The following TNFRSF9 variants were observed in gnomAD, a reference collection of about 807,000 sequenced individuals.
TNFRSF9 encodes the protein tumor necrosis factor receptor superfamily member 9.
Under a neutral mutation model 28.8 loss-of-function variants are expected in TNFRSF9, and 16 were observed. That is an observed-to-expected ratio of 0.55 (90% CI 0.38 to 0.84). The LOEUF (loss-of-function observed/expected upper bound fraction) is 0.84, where lower values mean the gene tolerates loss of function less well. Ranked by LOEUF, TNFRSF9 falls within the 40% of genes least tolerant of loss-of-function variation. TNFRSF9 has a pLI of 0.00. For synonymous variants in TNFRSF9, 131 were observed against 117.0 expected (o/e 1.12, Z -0.77); for missense variants, 303 against 315.0 (o/e 0.96, Z 0.29).
In TNFRSF9 at chr1:7,940,098, C is replaced by T; in HGVS notation, c.-84-20G>A. On this transcript the variant is annotated intron_variant, in intron 1 of 7. Coordinates refer to ENST00000377507, the MANE Select transcript of TNFRSF9 (RefSeq NM_001561.6). ...GTCACTCTGCAAAAGATAAACATTT[C>T]CAAGGAAAGGTGGTTTCTCCTTTCA... The T allele has an allele frequency of 1.0e-5, 8 of 763,852 alleles. No homozygotes were observed. In the South Asian group the frequency reaches 1.7e-4, roughly 16 times the overall value. The allele number at this position is 763,852 out of a possible 1,614,324, so 47.3% of individuals were successfully genotyped here. A position where few individuals can be genotyped will look rare whatever the true frequency, so the allele number is the denominator to read the frequency against.
intron 7 of TNFRSF9, among the ~76,000 whole-genome samples, chr1:7,931,511 C>G (rs1169189095): frequency 6.6e-6 from 1 of 152,174 alleles, no homozygotes; most frequent in African/African-American, 2.4e-5. Flanking sequence ...AAGCAAGATA[C>G]AGAAAACAGT....
chr1:7,940,121 T>C, intron 1 of TNFRSF9, 43 bp from the exon 2 acceptor site: 2 of 614,524 alleles, frequency 3.3e-6, no homozygotes, highest in South Asian at 4.8e-5. Flanking sequence ...GTTTCTCCTT[T>C]CAAAATTATC....
rs1313463398 is a variant in TNFRSF9, at chr1:7,920,879, T to C, written c.724A>G (p.Ser242Gly). 6.2e-7 allele frequency: 1 copy of C among 1,614,042 alleles called. No individual in the cohort carries two copies. Among genetic ancestry groups the C allele is most frequent in the South Asian group, 1.1e-5 (1 of 91,084 alleles). Reference protein sequence around the residue: ...VQTTQEEDGCSCRFPEEEEGG... With the variant: ...VQTTQEEDGCGCRFPEEEEGG... The stretch of plus-strand genomic sequence containing the variant: ...TCTTCTTCTTCTGGAAATCGGCAGC[T>C]ACAGCCATCTTCCTCTTGAGTAGTT... The change falls in exon 8 of 8, where the codon AGC becomes GGC. Residue 242 changes from serine to glycine, a missense_variant. Physicochemically the swap from Ser to Gly is moderately conservative, Grantham distance 56. Coordinates refer to ENST00000377507, the MANE Select transcript of TNFRSF9 (RefSeq NM_001561.6).
intron 6 of TNFRSF9, 113 bp from the exon 7 acceptor site, chr1:7,933,409 G>A: frequency 1.5e-6 from 2 of 1,313,474 alleles, no homozygotes; most frequent in Non-Finnish European, 2.1e-6. Flanking sequence ...ACAGCCTTGG[G>A]CATCTCCAAC....
intron 7 of TNFRSF9, among the ~76,000 whole-genome samples, chr1:7,924,703 G>A (rs1179122614): frequency 6.6e-6 from 1 of 152,100 alleles, no homozygotes; most frequent in Non-Finnish European, 1.5e-5. Flanking sequence ...CCTTTGGGAG[G>A]TATTCCAGAA....
chr1:7,921,006 G>T, intron 7 of TNFRSF9, 83 bp from the exon 8 acceptor site: 1 of 1,002,632 alleles, frequency 1.0e-6, no homozygotes, highest in Non-Finnish European at 1.6e-6. Context: ...TATAGCTGCA[G>T]AACATCTCTA....
intron 7 of TNFRSF9, among the ~76,000 whole-genome samples, chr1:7,930,539 C>T (rs1639719592): frequency 6.6e-6 from 1 of 152,134 alleles, no homozygotes; most frequent in African/African-American, 2.4e-5. Flanking sequence ...GGGAGGATCG[C>T]TTGAGCCCAG....
At chr1:7,925,042 G>A (rs762164016) in intron 7 of TNFRSF9, among the ~76,000 whole-genome samples, 3 of 151,842 alleles carry the variant, frequency 2.0e-5, no homozygotes, top group Admixed American at 6.6e-5. Context: ...GGCTGGGTGC[G>A]GTGGCTCATG....
In TNFRSF9 at chr1:7,918,057, C is replaced by G. The variant is rs142605770; in HGVS notation, c.*2778G>C. 6.6e-6 allele frequency: 1 copy of G among 152,006 alleles called. No individual in the cohort carries two copies. The highest frequency in any genetic ancestry group is 2.1e-4 in the South Asian group (1 of 4,828). The allele number at this position is 152,006 out of a possible 1,614,324, so 9.4% of individuals were successfully genotyped here. On this transcript the variant is annotated 3_prime_UTR_variant, in exon 8 of 8. Transcript: ENST00000377507. ...GGAGTGCAATGGCACAATCTTGGCT[C>G]GCTGCAACCTCTGCCTCCTGGGTTC...
chr1:7,924,865 T>C (rs926056861), intron 7 of TNFRSF9, among the ~76,000 whole-genome samples: 3 of 151,984 alleles, frequency 2.0e-5, no homozygotes, highest in Non-Finnish European at 4.4e-5. Context: ...ACAAAAAAAG[T>C]TTAAAAAGTA....
rs891367467 is a variant in TNFRSF9 at position 7,920,154 on chromosome 1, T to A, written c.*681A>T. 1.3e-5 allele frequency: 2 copies of A among 152,332 alleles called. No individual in the cohort carries two copies. The highest frequency in any genetic ancestry group is 2.9e-5 in the Non-Finnish European group (2 of 68,050). 9.4% of individuals were successfully genotyped at this position (152,332 alleles called of 1,614,324 possible). ...TACTGCACCTCGTGGCTTATTGTCA[T>A]ATGTCATATTAGCACCAAAAAACAA... On this transcript the variant is annotated 3_prime_UTR_variant, in exon 8 of 8. Coordinates refer to ENST00000377507, the MANE Select transcript of TNFRSF9 (RefSeq NM_001561.6).
At chr1:7,927,490 T>A (rs1276233849) in intron 7 of TNFRSF9, among the ~76,000 whole-genome samples, 2 of 152,082 alleles carry the variant, frequency 1.3e-5, no homozygotes, top group Admixed American at 6.6e-5. Context: ...TATTCCCGCT[T>A]TTGCCCCCCT....
At chr1:7,936,958 G>A (rs915573916) in intron 5 of TNFRSF9, among the ~76,000 whole-genome samples, 2 of 152,168 alleles carry the variant, frequency 1.3e-5, no homozygotes, top group African/African-American at 2.4e-5. Flanking sequence ...ACATTCTCTC[G>A]TATACTATTG....
At position 7,916,033 on chromosome 1, in the gene TNFRSF9, G is replaced by A. The variant is rs1382581091; in HGVS notation, c.*4802C>T. 2.6e-5 allele frequency: 4 copies of A among 151,988 alleles called. No homozygotes were observed. Among genetic ancestry groups the A allele is most frequent in the Non-Finnish European group, 5.9e-5 (4 of 67,986 alleles). The allele number at this position is 151,988 out of a possible 1,614,324, so 9.4% of individuals were successfully genotyped here. Reference sequence around the variant, plus strand: ...CGGTGGGCACCTCTCACCCACAGATGGAAACATCTTCCTGTGGGGGAAGAT... The same window carrying A: ...CGGTGGGCACCTCTCACCCACAGATAGAAACATCTTCCTGTGGGGGAAGAT... On this transcript the variant is annotated 3_prime_UTR_variant, in exon 8 of 8. Transcript: ENST00000377507.
intron 7 of TNFRSF9, 109 bp downstream of exon 7, chr1:7,933,053 C>T (rs1327684538): frequency 3.7e-6 from 5 of 1,360,584 alleles, no homozygotes; most frequent in South Asian, 1.5e-5. Context: ...GTGATAGCCA[C>T]GGGGCTATAT....
At chr1:7,921,302 C>T (rs1399917210) in intron 7 of TNFRSF9, among the ~76,000 whole-genome samples, 1 of 151,546 alleles carries the variant, frequency 6.6e-6, no homozygotes, top group Non-Finnish European at 1.5e-5. Flanking sequence ...CGCCATTGCA[C>T]TCCAGCCTGG....
Position 7,920,432 on chromosome 1 carries a change from C to T in TNFRSF9, c.*403G>A, listed in dbSNP as rs891345997. ...CAGCACTTTGGGAGGCCAAAGTGAA[C>T]CTAGGAGTTTGAGACCAGCCTGTAC... On this transcript the variant is annotated 3_prime_UTR_variant, in exon 8 of 8. Transcript: ENST00000377507. 1 of 161,694 alleles carries T rather than the reference C, an allele frequency of 6.2e-6. No individual in the cohort carries two copies. Among genetic ancestry groups the T allele is most frequent in the African/African-American group, 2.4e-5 (1 of 40,876 alleles). 10.0% of individuals were successfully genotyped at this position (161,694 alleles called of 1,614,324 possible).
intron 7 of TNFRSF9, among the ~76,000 whole-genome samples, chr1:7,927,386 T>C (rs1639669963): frequency 6.6e-6 from 1 of 152,186 alleles, no homozygotes; most frequent in Admixed American, 6.5e-5. Context: ...GCCTAATAAA[T>C]ACGGAGGGCT....
chr1:7,936,929 G>C (rs933014133), intron 5 of TNFRSF9, among the ~76,000 whole-genome samples: 1 of 152,184 alleles, frequency 6.6e-6, no homozygotes, highest in African/African-American at 2.4e-5. Context: ...GTAAGTTCTG[G>C]TTCCACAAAA....
Sources: gnomAD v4.1 joint callset for allele counts (sites outside exome capture counted in the v4.1 genomes callset) on GRCh38, gnomAD v4.1.1 for gene constraint, MANE v1.5 for transcripts, NCBI Gene and HGNC (gene_info 2026-07-23, HGNC 2026-07-21) for gene names.